The following CSMD1 variants were observed in gnomAD, a reference collection of about 807,000 sequenced individuals.
CSMD1 encodes CUB and Sushi multiple domains 1.
A neutral mutation model predicts 417.5 loss-of-function variants in CSMD1; 213 were observed. That is an observed-to-expected ratio of 0.51 (90% CI 0.46 to 0.57). CSMD1 has a LOEUF of 0.57. Among genes scored for constraint, CSMD1 ranks in the 20% least tolerant of loss-of-function variants. CSMD1 has a pLI of 0.00. For missense variants in CSMD1, 6,923 were observed against 4,529.7 expected (o/e 1.53, Z -15.17); for synonymous variants, 2,862 against 1,736.8 (o/e 1.65, Z -16.11).
intron 3 of CSMD1, among the ~76,000 whole-genome samples, chr8:4,114,857 A>C (rs1802049176): frequency 6.6e-6 from 1 of 152,236 alleles, no homozygotes; most frequent in Admixed American, 6.5e-5. Context: ...GAATTGCTGC[A>C]ATCTCATGAT....
intron 1 of CSMD1, among the ~76,000 whole-genome samples, chr8:4,705,654 G>A (rs1185810508): frequency 1.3e-5 from 2 of 151,962 alleles, no homozygotes; most frequent in African/African-American, 2.4e-5. Flanking sequence ...TCTTCTTTCC[G>A]GCCCTTGTAT....
intron 3 of CSMD1, among the ~76,000 whole-genome samples, chr8:4,314,891 AC>A (rs1273099193): frequency 6.6e-6 from 1 of 152,182 alleles, no homozygotes; most frequent in East Asian, 1.9e-4. Context: ...GGAGTGAAGA[AC>A]ATAATTGGGC....
intron 1 of CSMD1, among the ~76,000 whole-genome samples, chr8:4,811,280 G>A (rs1251853693): frequency 2.0e-5 from 3 of 152,152 alleles, no homozygotes; most frequent in East Asian, 3.9e-4. Flanking sequence ...GCTTAAATTA[G>A]GAATGTCAAA....
intron 5 of CSMD1, among the ~76,000 whole-genome samples, chr8:3,848,578 A>G (rs1563141922): frequency 6.6e-6 from 1 of 152,192 alleles, no homozygotes; most frequent in South Asian, 2.1e-4. Flanking sequence ...TGCTCCTTGT[A>G]AATATGTACT....
intron 23 of CSMD1, among the ~76,000 whole-genome samples, chr8:3,322,840 C>G (rs1243401756): frequency 6.6e-6 from 1 of 152,226 alleles, no homozygotes; most frequent in Non-Finnish European, 1.5e-5. Context: ...TTATTCTTAA[C>G]AAAGGAAATT....
At chr8:3,297,557 A>G in intron 25 of CSMD1, among the ~76,000 whole-genome samples, 1 of 152,220 alleles carries the variant, frequency 6.6e-6, no homozygotes, top group East Asian at 1.9e-4. Context: ...CTATAGTGCA[A>G]TAAAGAAATA....
At chr8:4,098,038 G>T (rs952202317) in intron 3 of CSMD1, among the ~76,000 whole-genome samples, 1 of 152,232 alleles carries the variant, frequency 6.6e-6, no homozygotes, top group East Asian at 1.9e-4. Context: ...TATAATTTTT[G>T]TTCAGGCACA....
intron 5 of CSMD1, among the ~76,000 whole-genome samples, chr8:3,878,113 C>A (rs952832039): frequency 6.6e-6 from 1 of 152,134 alleles, no homozygotes; most frequent in Admixed American, 6.6e-5. Context: ...CTTCCTTCCT[C>A]CTTCCCTGCC....
chr8:3,640,836 T>C (rs1278982058), intron 7 of CSMD1, among the ~76,000 whole-genome samples: 1 of 152,012 alleles, frequency 6.6e-6, no homozygotes, highest in Non-Finnish European at 1.5e-5. Flanking sequence ...CCTTAGTCCA[T>C]GGAATCTTAC....
chr8:4,416,709 T>C (rs1255817021), intron 3 of CSMD1, among the ~76,000 whole-genome samples: 1 of 152,108 alleles, frequency 6.6e-6, no homozygotes, highest in East Asian at 1.9e-4. Flanking sequence ...AGTCCGTATA[T>C]TTTCTTCAAT....
chr8:3,182,841 G>GGGGGGT (rs768081848), intron 36 of CSMD1: 7 of 11,478 alleles, frequency 6.1e-4, no homozygotes, highest in Admixed American at 1.7e-3. Context: ...TTTATAAGAA[G>GGGGGGT]GTGTGTGTGT....
chr8:3,305,941 A>C (rs190929520), intron 25 of CSMD1, among the ~76,000 whole-genome samples: 1 of 152,170 alleles, frequency 6.6e-6, no homozygotes, highest in Non-Finnish European at 1.5e-5. Flanking sequence ...TGGCCTCCCA[A>C]GGTGCTGGGA....
At chr8:2,995,380 A>G (rs908269989) in intron 54 of CSMD1, among the ~76,000 whole-genome samples, 2 of 152,208 alleles carry the variant, frequency 1.3e-5, no homozygotes, top group African/African-American at 4.8e-5. Context: ...CTAAAATAAG[A>G]CAGAGTGACC....
chr8:3,712,956 T>C (rs946235584), intron 6 of CSMD1, among the ~76,000 whole-genome samples: 3 of 152,174 alleles, frequency 2.0e-5, no homozygotes, highest in African/African-American at 4.8e-5. Context: ...TTAATAACAA[T>C]GTATTGTGTG....
chr8:4,031,323 C>T (rs1056602467), intron 4 of CSMD1, among the ~76,000 whole-genome samples: 1 of 152,180 alleles, frequency 6.6e-6, no homozygotes, highest in African/African-American at 2.4e-5. Context: ...GCTGGGGAAG[C>T]CTCACAATCA....
intron 2 of CSMD1, among the ~76,000 whole-genome samples, chr8:4,536,995 TATC>T (rs1471960171): frequency 6.6e-6 from 1 of 152,184 alleles, no homozygotes; most frequent in Non-Finnish European, 1.5e-5. Flanking sequence ...TCTCTTAACA[TATC>T]ATACAAATTT....
chr8:4,831,879 G>A lies in CSMD1; in HGVS notation c.85+162453C>T, dbSNP rs533340428. 1.4e-3 allele frequency among the ~76,000 whole-genome samples: 212 copies of A among 152,138 alleles called. 1 individual carries two copies. Among genetic ancestry groups the A allele is most frequent in the South Asian group, 0.01 (49 of 4,812 alleles). ...CACATCCAGAAGGTGCAAGGATGAG[G>A]ATGAAGAGGAAGCAGCTGACACAAG... On this transcript the variant is annotated intron_variant, in intron 1 of 69. Coordinates refer to ENST00000635120, the MANE Select transcript of CSMD1 (RefSeq NM_033225.6).
chr8:3,241,309 A>ATG lies in CSMD1; in HGVS notation c.4154-11079_4154-11078insCA, dbSNP rs1319591485. ...AGAAGCCTGGCCGTCAATACCCACA[A>ATG]CAGTTATGGAGGCAAGGGAAACAGG... On this transcript the variant is annotated intron_variant, in intron 26 of 69. Transcript: ENST00000635120. 2.4e-3 allele frequency among the ~76,000 whole-genome samples: 355 copies of ATG among 150,036 alleles called. 2 individuals are homozygous for ATG. Among genetic ancestry groups the ATG allele is most frequent in the African/African-American group, 6.2e-3 (255 of 41,044 alleles).
chr8:3,424,968 G>C (rs138328629), intron 12 of CSMD1, among the ~76,000 whole-genome samples: 2 of 152,056 alleles, frequency 1.3e-5, no homozygotes, highest in Non-Finnish European at 2.9e-5. Flanking sequence ...TGGAGTGGCT[G>C]GGACAACAGG....
Sources: allele counts gnomAD v4.1 joint callset (sites outside exome capture counted in the v4.1 genomes callset), GRCh38; gene constraint gnomAD v4.1.1; transcripts MANE v1.5; gene names NCBI Gene and HGNC (gene_info 2026-07-23, HGNC 2026-07-21).